Variants in BANK1 observed in about 807,000 individuals in gnomAD.
The protein encoded by BANK1 is B cell scaffold protein with ankyrin repeats 1.
BANK1 carries 95 observed loss-of-function variants against 94.5 expected under a neutral mutation model. That is an observed-to-expected ratio of 1.00 (90% confidence interval 0.85 to 1.19). BANK1 has a LOEUF of 1.19. Ranked by LOEUF, BANK1 falls within the 50% of genes most tolerant of loss-of-function variation. The probability of loss-of-function intolerance (pLI) is 0.00; values close to 1 mark genes in which losing one functional copy is unlikely to be tolerated. For missense variants in BANK1, 987 were observed against 932.2 expected, an observed-to-expected ratio of 1.06 and a Z score of -0.77; for synonymous variants, 334 against 308.4, an observed-to-expected ratio of 1.08 and a Z score of -0.87.
At chr4:101,803,913 G>T (rs1725447738) in intron 1 of BANK1, among the ~76,000 whole-genome samples, 1 of 143,126 alleles carries the variant, frequency 7.0e-6, no homozygotes, top group Non-Finnish European at 1.5e-5. Flanking sequence ...CAGGAGAATG[G>T]CGTGAACCCG....
At chr4:101,844,854 T>C (rs1162107526) in intron 2 of BANK1, among the ~76,000 whole-genome samples, 1 of 152,100 alleles carries the variant, frequency 6.6e-6, no homozygotes, top group Non-Finnish European at 1.5e-5. Context: ...GCTTTATCTA[T>C]CAATAGAGTG....
At chr4:101,965,762 T>G (rs1257972102) in intron 7 of BANK1, among the ~76,000 whole-genome samples, 2 of 152,104 alleles carry the variant, frequency 1.3e-5, no homozygotes, top group African/African-American at 2.4e-5. Context: ...TGGGTACCAC[T>G]GAGTTTTCTG....
At chr4:101,945,333 T>C (rs865911819) in intron 7 of BANK1, among the ~76,000 whole-genome samples, 1 of 151,938 alleles carries the variant, frequency 6.6e-6, no homozygotes, top group Admixed American at 6.6e-5. Flanking sequence ...TAAACTTTCA[T>C]TTGTCTTTGG....
intron 2 of BANK1, among the ~76,000 whole-genome samples, chr4:101,854,341 G>C (rs1307040802): frequency 6.6e-6 from 1 of 152,096 alleles, no homozygotes; most frequent in Non-Finnish European, 1.5e-5. Context: ...ATGTTTTAAT[G>C]ATTAAGACTA....
chr4:102,063,874 T>C (rs1578488539), intron 13 of BANK1, among the ~76,000 whole-genome samples: 2 of 151,800 alleles, frequency 1.3e-5, no homozygotes, highest in African/African-American at 4.8e-5. Context: ...TTTAATAAGT[T>C]AAAATATTAA....
intron 7 of BANK1, among the ~76,000 whole-genome samples, chr4:101,976,273 A>G (rs1725124257): frequency 6.6e-6 from 1 of 152,124 alleles, no homozygotes; most frequent in African/African-American, 2.4e-5. Context: ...ATAACACAAG[A>G]TGCTGAGAGT....
intron 7 of BANK1, among the ~76,000 whole-genome samples, chr4:101,986,899 G>GTGTGTGTGTATATA (rs1343197093): frequency 9.7e-5 from 8 of 82,668 alleles, no homozygotes; most frequent in African/African-American, 3.9e-4. Flanking sequence ...GTGTGTGTGT[G>GTGTGTGTGTATATA]TATATATATA....
chr4:101,917,936 T>C, intron 6 of BANK1, 57 bp from the exon 7 acceptor site: 4 of 1,327,310 alleles, frequency 3.0e-6, no homozygotes, highest in Admixed American at 1.9e-5. Flanking sequence ...TTAGACCTTT[T>C]AATGAGATTG....
intron 7 of BANK1, among the ~76,000 whole-genome samples, chr4:101,980,007 GT>G (rs1725276464): frequency 6.6e-6 from 1 of 151,766 alleles, no homozygotes; most frequent in African/African-American, 2.4e-5. Flanking sequence ...TGACTTGTTA[GT>G]CCTTTACTTC....
chr4:101,886,941 T>TA (rs1282152313), intron 5 of BANK1, among the ~76,000 whole-genome samples: 2 of 152,216 alleles, frequency 1.3e-5, no homozygotes, highest in Non-Finnish European at 2.9e-5. Context: ...TACAGCATAA[T>TA]ATAACATTCA....
chr4:101,977,436 A>G, intron 7 of BANK1, among the ~76,000 whole-genome samples: 1 of 152,172 alleles, frequency 6.6e-6, no homozygotes, highest in East Asian at 1.9e-4. Context: ...ATTAGCCCCA[A>G]AATTGTTCTT....
At chr4:101,995,873 A>C (rs960399252) in intron 7 of BANK1, among the ~76,000 whole-genome samples, 3 of 152,076 alleles carry the variant, frequency 2.0e-5, no homozygotes, top group Non-Finnish European at 2.9e-5. Flanking sequence ...AGATTGCAAA[A>C]ATTTTCTCCC....
At chr4:102,035,725 T>G (rs1421879142) in intron 10 of BANK1, among the ~76,000 whole-genome samples, 1 of 152,208 alleles carries the variant, frequency 6.6e-6, no homozygotes. Context: ...ATCCCATTGC[T>G]GTTGTACTAA....
chr4:101,848,035 T>C (rs1052237511), intron 2 of BANK1, among the ~76,000 whole-genome samples: 3 of 152,216 alleles, frequency 2.0e-5, no homozygotes, highest in African/African-American at 7.2e-5. Context: ...CCAGGGCCTT[T>C]CTGCTACCTC....
intron 7 of BANK1, among the ~76,000 whole-genome samples, chr4:101,984,695 T>C (rs1358674345): frequency 6.6e-6 from 1 of 152,006 alleles, no homozygotes; most frequent in Non-Finnish European, 1.5e-5. Context: ...AATGTGAAAA[T>C]GAGATTCTGT....
intron 7 of BANK1, among the ~76,000 whole-genome samples, chr4:101,953,316 C>T (rs1361517359): frequency 6.6e-6 from 1 of 152,028 alleles, no homozygotes; most frequent in African/African-American, 2.4e-5. Flanking sequence ...TAGATAATGC[C>T]TTCTACAGAA....
In BANK1 at chr4:101,830,131, C is replaced by G. The variant is rs776902535; in HGVS notation, c.394C>G (p.Gln132Glu). 4 of 1,611,146 alleles carry G rather than the reference C, an allele frequency of 2.5e-6. No homozygotes were observed. Among genetic ancestry groups the G allele is most frequent in the Non-Finnish European group, 3.4e-6 (4 of 1,179,070 alleles). The change falls in exon 2 of 17, where the codon CAA (glutamine) becomes GAA (glutamate). Residue 132 changes from glutamine (Q) to glutamate (E), a missense_variant. Transcript: ENST00000322953. ...DQLYELLNIS[Q>E]SRWEISTEQE... The stretch of plus-strand genomic sequence containing the variant: ...GCTCTATGAATTACTAAATATCTCT[C>G]AAAGCAGATGGGAGATCTCAACTGA...
intron 6 of BANK1, among the ~76,000 whole-genome samples, chr4:101,898,393 T>G (rs1180209360): frequency 6.6e-6 from 1 of 152,042 alleles, no homozygotes; most frequent in East Asian, 1.9e-4. Flanking sequence ...CTAGAGGCAT[T>G]CTGAGAGGTG....
chr4:101,847,951 G>A (rs1175663445), intron 2 of BANK1, among the ~76,000 whole-genome samples: 1 of 152,122 alleles, frequency 6.6e-6, no homozygotes, highest in Middle Eastern at 3.2e-3. Flanking sequence ...TTTACCCCCT[G>A]CTCCTCTGGC....
Sources: allele counts gnomAD v4.1 joint callset (sites outside exome capture counted in the v4.1 genomes callset), GRCh38; gene constraint gnomAD v4.1.1; transcripts MANE v1.5; gene names NCBI Gene and HGNC (gene_info 2026-07-23, HGNC 2026-07-21).